The following CNRIP1 variants were observed in gnomAD, a reference collection of about 807,000 sequenced individuals.
CNRIP1 encodes the protein CB1 cannabinoid receptor-interacting protein 1.
In CNRIP1, 10 loss-of-function variants were observed where a neutral mutation model predicts 15.2. That is an observed-to-expected ratio of 0.66 (90% confidence interval 0.41 to 1.12). The LOEUF (loss-of-function observed/expected upper bound fraction) is 1.12, where lower values mean the gene tolerates loss of function less well. Among genes scored for constraint, CNRIP1 ranks in the 50% most tolerant of loss-of-function variants. The pLI is 0.00. For synonymous variants in CNRIP1, 91 were observed against 83.2 expected, an observed-to-expected ratio of 1.09 and a Z score of -0.51; for missense variants, 211 against 214.7, an observed-to-expected ratio of 0.98 and a Z score of 0.11.
rs1213042737 is a variant in CNRIP1 at position 68,310,651 on chromosome 2, T to C, written c.330+6506A>G. Among the ~76,000 whole-genome samples, 4 of 151,664 alleles carry C rather than the reference T, an allele frequency of 2.6e-5. No individual in the cohort carries two copies. In the East Asian group the frequency reaches 7.7e-4, roughly 29 times the overall value. On this transcript the variant is annotated intron_variant, in intron 2 of 2. Coordinates refer to ENST00000263655, the MANE Select transcript of CNRIP1 (RefSeq NM_015463.3). ...AGAGTTGGTAATAAACTATCCACAATGTTAAGTTTGTGGCCAAAAATTACG... is the reference window on the plus strand; with the variant it reads ...AGAGTTGGTAATAAACTATCCACAACGTTAAGTTTGTGGCCAAAAATTACG...
In CNRIP1 at chr2:68,293,524, A is replaced by G. The variant is rs775342148; in HGVS notation, c.*338T>C. On this transcript the variant is annotated 3_prime_UTR_variant, in exon 3 of 3. Coordinates refer to ENST00000263655, the MANE Select transcript of CNRIP1 (RefSeq NM_015463.3). ...TCACTTAACTTGGAAACAAAACACC[A>G]AAGTTAGTCAGTGGAATGGTCAAGA... The G allele has an allele frequency of 9.5e-5, 96 of 1,015,828 alleles. No homozygotes were observed. Among genetic ancestry groups the G allele is most frequent in the Non-Finnish European group, 1.0e-4 (89 of 848,802 alleles). The allele number at this position is 1,015,828 out of a possible 1,614,324, so 62.9% of individuals were successfully genotyped here.
intron 2 of CNRIP1, among the ~76,000 whole-genome samples, chr2:68,301,199 T>C (rs1363992350): frequency 6.6e-6 from 1 of 152,202 alleles, no homozygotes; most frequent in African/African-American, 2.4e-5. Flanking sequence ...CTGAGAATAA[T>C]ATATCAAAAC....
At chr2:68,299,447 T>C (rs1420670573) in intron 2 of CNRIP1, among the ~76,000 whole-genome samples, 2 of 152,098 alleles carry the variant, frequency 1.3e-5, no homozygotes, top group Non-Finnish European at 2.9e-5. Context: ...AGTGCCCTCA[T>C]AAGGTACATG....
chr2:68,306,553 G>A (rs2103663969), intron 2 of CNRIP1, among the ~76,000 whole-genome samples: 1 of 152,254 alleles, frequency 6.6e-6, no homozygotes, highest in Admixed American at 6.5e-5. Flanking sequence ...GGCCAAGGTG[G>A]GAGGATCACC....
At chr2:68,318,600 A>T (rs1672367509) in intron 1 of CNRIP1, among the ~76,000 whole-genome samples, 1 of 152,212 alleles carries the variant, frequency 6.6e-6, no homozygotes, top group Non-Finnish European at 1.5e-5. Context: ...GGAGAAAAAG[A>T]ACAGCATACG....
rs751231771 is a variant in CNRIP1, at chr2:68,317,247, C to T, written c.240G>A (p.Gly80=). 3.0e-5 allele frequency: 48 copies of T among 1,614,034 alleles called. No individual in the cohort carries two copies. The highest frequency in any genetic ancestry group is 1.6e-4 in the Middle Eastern group (1 of 6,084). Residue 80 remains glycine, a synonymous_variant, in exon 2 of 3, where the codon GGG becomes GGA. Coordinates refer to ENST00000263655, the MANE Select transcript of CNRIP1 (RefSeq NM_015463.3). ...PLELKSKEPD[G]DRVVYTGTYD... ...ATGTACCCGTATAAACAACTCTGTC[C>T]CCATCAGGCTCTTTAGACTTCAGTT...
At chr2:68,308,860 C>T (rs1266775292) in intron 2 of CNRIP1, among the ~76,000 whole-genome samples, 1 of 151,970 alleles carries the variant, frequency 6.6e-6, no homozygotes, top group African/African-American at 2.4e-5. Flanking sequence ...GCCTGCCTCT[C>T]CCCACCCCTT....
intron 2 of CNRIP1, among the ~76,000 whole-genome samples, chr2:68,295,084 C>T (rs1391417436): frequency 1.3e-5 from 2 of 152,110 alleles, no homozygotes; most frequent in Non-Finnish European, 2.9e-5. Context: ...TGATGCCTGT[C>T]GTTATTTTCT....
In CNRIP1 at chr2:68,301,473, G is replaced by A. The variant is rs533752677; in HGVS notation, c.331-7447C>T. 5.9e-5 allele frequency among the ~76,000 whole-genome samples: 9 copies of A among 152,282 alleles called. No homozygotes were observed. The East Asian group carries it at 1.7e-3, about 29-fold the overall frequency. On this transcript the variant is annotated intron_variant, in intron 2 of 2. Transcript: ENST00000263655. ...CAGATGGGAAACAAGGCAAGAATATGTGTTCTTACTGCCCCTATTCAGCAT... is the reference window on the plus strand; with the variant it reads ...CAGATGGGAAACAAGGCAAGAATATATGTTCTTACTGCCCCTATTCAGCAT...
chr2:68,305,808 A>AACAC (rs1553415559), intron 2 of CNRIP1, among the ~76,000 whole-genome samples: 2 of 144,000 alleles, frequency 1.4e-5, no homozygotes, highest in Admixed American at 6.9e-5. Flanking sequence ...AAAAAAAAAA[A>AACAC]ACACACACAC....
At chr2:68,304,389 G>A (rs1173954138) in intron 2 of CNRIP1, among the ~76,000 whole-genome samples, 1 of 116,890 alleles carries the variant, frequency 8.6e-6, no homozygotes, top group Non-Finnish European at 1.7e-5. Flanking sequence ...GTGACAGAGT[G>A]AGACTCCATC....
In CNRIP1 at chr2:68,293,845, A is replaced by G; in HGVS notation, c.*17T>C. 1 of 1,611,512 alleles carries G rather than the reference A, an allele frequency of 6.2e-7. No homozygotes were observed. Among genetic ancestry groups the G allele is most frequent in the Non-Finnish European group, 8.5e-7 (1 of 1,177,954 alleles). On this transcript the variant is annotated 3_prime_UTR_variant, in exon 3 of 3. Transcript: ENST00000263655. Reference sequence around the variant, plus strand: ...ATTTCTGAAAAGATTGTCCAGTAGCATCAGAAAGAGCCACTTTCAGAGGAA... The same window carrying G: ...ATTTCTGAAAAGATTGTCCAGTAGCGTCAGAAAGAGCCACTTTCAGAGGAA...
intron 1 of CNRIP1, 54 bp downstream of exon 1, chr2:68,319,168 C>T: frequency 6.8e-7 from 1 of 1,476,564 alleles, no homozygotes; most frequent in Non-Finnish European, 9.0e-7. Context: ...GGGCCTCAGT[C>T]CTCTGCCTGT....
chr2:68,286,707 G>A (rs116487116), intron 2 of CNRIP1, among the ~76,000 whole-genome samples: 2,351 of 152,228 alleles, frequency 0.015, 66 homozygotes, highest in African/African-American at 0.053. Flanking sequence ...CATTTCAGAG[G>A]GAGGAAATAC....
chr2:68,292,377 G>A (rs1183836598), downstream of CNRIP1, among the ~76,000 whole-genome samples: 1 of 152,170 alleles, frequency 6.6e-6, no homozygotes, highest in African/African-American at 2.4e-5. Context: ...AGGTAGAAAA[G>A]GTGTTGAGTG....
chr2:68,286,134 C>G (rs1260205742), intron 2 of CNRIP1, among the ~76,000 whole-genome samples: 1 of 152,182 alleles, frequency 6.6e-6, no homozygotes. Context: ...AATAAACTCT[C>G]TGAGTGGAAG....
chr2:68,287,596 G>T (rs6736547), intron 2 of CNRIP1, among the ~76,000 whole-genome samples: 4,176 of 152,348 alleles, frequency 0.027, 192 homozygotes, highest in African/African-American at 0.096. Flanking sequence ...GACCTAAGGT[G>T]ATCAATCATC....
At chr2:68,311,854 T>C (rs983101782) in intron 2 of CNRIP1, among the ~76,000 whole-genome samples, 2 of 149,002 alleles carry the variant, frequency 1.3e-5, no homozygotes, top group Non-Finnish European at 3.0e-5. Flanking sequence ...CCTAAGACAC[T>C]GAAGAATGGC....
In CNRIP1 at chr2:68,319,667, G is replaced by A. The variant is rs760252156; in HGVS notation, c.-267C>T. 2.1e-5 allele frequency: 9 copies of A among 430,964 alleles called. No homozygotes were observed. The highest frequency in any genetic ancestry group is 3.3e-5 in the Non-Finnish European group (8 of 241,036). The allele number at this position is 430,964 out of a possible 1,614,324, so 26.7% of individuals were successfully genotyped here. On this transcript the variant is annotated 5_prime_UTR_variant, in exon 1 of 3. Coordinates refer to ENST00000263655, the MANE Select transcript of CNRIP1 (RefSeq NM_015463.3). ...AAGGCCGCGCGCTTCCCCATCCCCC[G>A]CTCCAGTGCTGCGCCCTCCACGCAC...
Sources: allele counts gnomAD v4.1 joint callset (sites outside exome capture counted in the v4.1 genomes callset), GRCh38; gene constraint gnomAD v4.1.1; transcripts MANE v1.5; gene names NCBI Gene and HGNC (gene_info 2026-07-23, HGNC 2026-07-21).